Variants in FHIP1A observed in about 807,000 individuals in gnomAD.
FHIP1A encodes FHF complex subunit HOOK-interacting protein 1A.
A neutral mutation model predicts 88.6 loss-of-function variants in FHIP1A; 61 were observed. The ratio of observed to expected loss-of-function variants is 0.69; its 90% confidence interval spans 0.56 to 0.85. The LOEUF (loss-of-function observed/expected upper bound fraction) is 0.85, where lower values mean the gene tolerates loss of function less well. Ranked by LOEUF, FHIP1A falls within the 40% of genes least tolerant of loss-of-function variation. The probability of loss-of-function intolerance (pLI) is 0.00; values close to 1 mark genes in which losing one functional copy is unlikely to be tolerated. For missense variants in FHIP1A, 1,154 were observed against 1,273.5 expected (o/e 0.91, Z 1.43); for synonymous variants, 478 against 496.0 (o/e 0.96, Z 0.48).
chr4:151,599,053 T>C (rs571695791), intron 7 of FHIP1A, among the ~76,000 whole-genome samples: 41 of 152,204 alleles, frequency 2.7e-4, no homozygotes, highest in Non-Finnish European at 4.9e-4. Flanking sequence ...AAAATACACA[T>C]GGTCTCCAGG....
At chr4:151,564,438 A>G (rs563038632) in intron 3 of FHIP1A, among the ~76,000 whole-genome samples, 20 of 152,214 alleles carry the variant, frequency 1.3e-4, no homozygotes, top group Admixed American at 4.6e-4. Flanking sequence ...TATAAGGGCT[A>G]GTGAGGTAAC....
chr4:151,577,696 C>T lies in FHIP1A; in HGVS notation c.352C>T (p.Gln118Ter), dbSNP rs969154788. Residue 118 changes from glutamine (Q) to a stop codon, truncating the protein, a stop_gained, in exon 5 of 14, where the codon CAG becomes TAG. Coordinates refer to ENST00000435205, the MANE Select transcript of FHIP1A (RefSeq NM_001109977.3). LOFTEE classifies it high-confidence loss of function. ...REFTDETKIE[Q>*]LKMYEMLVTQ... ...GTTTACTGATGAGACTAAAATTGAG[C>T]AGCTAAAGATGTATGAGATGTTGGT... is the stretch of plus-strand genomic sequence containing the variant. 4 of 1,551,634 alleles carry T rather than the reference C, an allele frequency of 2.6e-6. No individual in the cohort carries two copies. The highest frequency in any genetic ancestry group is 3.5e-6 in the Non-Finnish European group (4 of 1,146,980).
chr4:151,620,941 G>C (rs1354343144), intron 7 of FHIP1A, among the ~76,000 whole-genome samples: 1 of 150,826 alleles, frequency 6.6e-6, no homozygotes, highest in Non-Finnish European at 1.5e-5. Context: ...TATTCATCTT[G>C]GAAACAAATG....
chr4:151,531,487 G>A lies in FHIP1A; in HGVS notation c.-122-34651G>A, dbSNP rs186932512. On this transcript the variant is annotated intron_variant, in intron 3 of 13. Coordinates refer to ENST00000435205, the MANE Select transcript of FHIP1A (RefSeq NM_001109977.3). Reference sequence around the variant, plus strand: ...TTGATTTTTGTAGAATCCCTGTACCGCATTTTCTTTTTTCTTCTTTTTTTT... The same window carrying A: ...TTGATTTTTGTAGAATCCCTGTACCACATTTTCTTTTTTCTTCTTTTTTTT... 7.0e-5 allele frequency among the ~76,000 whole-genome samples: 10 copies of A among 142,044 alleles called. No homozygotes were observed. The East Asian group carries it at 1.0e-3, about 14-fold the overall frequency. The allele number at this position is 142,044 out of a possible 152,430, so 93.2% of individuals were successfully genotyped here.
chr4:151,410,112 A>G (rs1444564041), intron 1 of FHIP1A, among the ~76,000 whole-genome samples: 1 of 152,172 alleles, frequency 6.6e-6, no homozygotes, highest in East Asian at 1.9e-4. Flanking sequence ...GTCTTATTTC[A>G]GGCCTGGTCA....
intron 5 of FHIP1A, among the ~76,000 whole-genome samples, chr4:151,581,668 A>G (rs886381487): frequency 6.6e-6 from 1 of 152,190 alleles, no homozygotes; most frequent in Admixed American, 6.5e-5. Context: ...CCAGTTTTCT[A>G]TAATTACATC....
rs191028270 is a variant in FHIP1A at position 151,416,533 on chromosome 4, C to A, written c.-356+7068C>A. Among the ~76,000 whole-genome samples, 417 of 152,052 alleles carry A rather than the reference C, an allele frequency of 2.7e-3. 2 individuals carry two copies. The highest frequency in any genetic ancestry group is 9.6e-3 in the African/African-American group (398 of 41,482). ...TATTGTACACATTTGTGTATTTATG[C>A]CTAAGTATATAGTGATATAAGGAAT... On this transcript the variant is annotated intron_variant, in intron 1 of 13. Coordinates refer to ENST00000435205, the MANE Select transcript of FHIP1A (RefSeq NM_001109977.3).
At chr4:151,565,733 T>A (rs757876856) in intron 3 of FHIP1A, among the ~76,000 whole-genome samples, 2 of 151,920 alleles carry the variant, frequency 1.3e-5, no homozygotes, top group Non-Finnish European at 2.9e-5. Context: ...TCATAATAGT[T>A]TGGTGCAAAA....
chr4:151,626,921 G>T (rs1735975035), intron 7 of FHIP1A, among the ~76,000 whole-genome samples: 1 of 152,156 alleles, frequency 6.6e-6, no homozygotes, highest in African/African-American at 2.4e-5. Flanking sequence ...GCTTTCCAGT[G>T]ATCACACTTA....
At chr4:151,574,638 A>G (rs1372530467) in intron 4 of FHIP1A, among the ~76,000 whole-genome samples, 1 of 152,078 alleles carries the variant, frequency 6.6e-6, no homozygotes, top group Non-Finnish European at 1.5e-5. Flanking sequence ...TTTTTTGGGC[A>G]TTAGTACATG....
At chr4:151,621,448 GT>G (rs1414417010) in intron 7 of FHIP1A, among the ~76,000 whole-genome samples, 25 of 151,196 alleles carry the variant, frequency 1.7e-4, no homozygotes, top group Middle Eastern at 3.4e-3. Flanking sequence ...AGCTTGCTTT[GT>G]TACTTTGTTA....
rs1737817658 is a variant in FHIP1A at position 151,670,285 on chromosome 4, TGA to T, written c.*7535_*7536del. 6.6e-6 allele frequency: 1 copy of T among 152,150 alleles called. No individual in the cohort carries two copies. Among genetic ancestry groups the T allele is most frequent in the Admixed American group, 6.5e-5 (1 of 15,270 alleles). 9.4% of individuals were successfully genotyped at this position (152,150 alleles called of 1,614,324 possible). On this transcript the variant is annotated 3_prime_UTR_variant, in exon 14 of 14. Transcript: ENST00000435205. ...TGCCTGCAGCACACCACGATTATCA[TGA>T]GAGGTCAAGATTTTGATTTACTAAT...
Position 151,649,777 on chromosome 4 carries a change from G to A in FHIP1A, c.1736G>A (p.Trp579Ter), listed in dbSNP as rs1736941480. 1.3e-6 allele frequency: 2 copies of A among 1,551,550 alleles called. No homozygotes were observed. Among genetic ancestry groups the A allele is most frequent in the Non-Finnish European group, 1.7e-6 (2 of 1,146,962 alleles). ...RKDKSQTELEWDDSYDTGISS... is the reference protein window; with the variant it reads ...RKDKSQTELE ...GACAAGAGCCAGACAGAGCTGGAAT[G>A]GGATGACAGCTATGACACTGGAATC... The change falls in exon 11 of 14, where the codon TGG becomes TAG. Residue 579 changes from tryptophan to a stop codon, truncating the protein, a stop_gained. Transcript: ENST00000435205. LOFTEE classifies it high-confidence loss of function.
chr4:151,566,207 C>G lies in FHIP1A; in HGVS notation c.-53C>G. 3 of 1,213,350 alleles carry G rather than the reference C, an allele frequency of 2.5e-6. No individual in the cohort carries two copies. Among genetic ancestry groups the G allele is most frequent in the South Asian group, 1.6e-5 (1 of 63,724 alleles). The allele number at this position is 1,213,350 out of a possible 1,614,324, so 75.2% of individuals were successfully genotyped here. ...AACTTGAAAGTTAGTGACGGCTTAC[C>G]AAATTTTAATGAAAATTAAATATGA... On this transcript the variant is annotated 5_prime_UTR_variant, in exon 4 of 14. Coordinates refer to ENST00000435205, the MANE Select transcript of FHIP1A (RefSeq NM_001109977.3).
intron 3 of FHIP1A, among the ~76,000 whole-genome samples, chr4:151,492,046 A>G (rs1177044434): frequency 6.6e-6 from 1 of 152,354 alleles, no homozygotes; most frequent in South Asian, 2.1e-4. Context: ...TGGCAACACA[A>G]TAATAGTGAG....
chr4:151,519,184 A>G (rs1731364670), intron 3 of FHIP1A, among the ~76,000 whole-genome samples: 1 of 152,192 alleles, frequency 6.6e-6, no homozygotes, highest in Non-Finnish European at 1.5e-5. Context: ...CATAATATAG[A>G]TTATATAACA....
chr4:151,562,039 A>G (rs1733192692), intron 3 of FHIP1A, among the ~76,000 whole-genome samples: 1 of 152,214 alleles, frequency 6.6e-6, no homozygotes, highest in Non-Finnish European at 1.5e-5. Context: ...ACATTCCAAA[A>G]GAAGAGTCCC....
intron 2 of FHIP1A, among the ~76,000 whole-genome samples, chr4:151,464,219 A>G (rs1362517302): frequency 2.0e-5 from 3 of 152,158 alleles, no homozygotes; most frequent in South Asian, 4.1e-4. Flanking sequence ...TGTGTCATTT[A>G]GCCAGTGATT....
At chr4:151,472,227 C>A (rs1035378410) in intron 2 of FHIP1A, among the ~76,000 whole-genome samples, 1 of 152,078 alleles carries the variant, frequency 6.6e-6, no homozygotes, top group Non-Finnish European at 1.5e-5. Context: ...GATCTGATTT[C>A]AAAATAGCTT....
Sources: gnomAD v4.1 joint callset for allele counts (sites outside exome capture counted in the v4.1 genomes callset) on GRCh38, gnomAD v4.1.1 for gene constraint, MANE v1.5 for transcripts, NCBI Gene and HGNC (gene_info 2026-07-23, HGNC 2026-07-21) for gene names.